DLGAP1: variants seen among roughly 807,000 people sequenced by gnomAD.
DLGAP1 encodes DLG associated protein 1, also known as disks large-associated protein 1.
Under a neutral mutation model 90.8 loss-of-function variants are expected in DLGAP1, and 11 were observed. That is an observed-to-expected ratio of 0.12 (90% CI 0.08 to 0.20). The LOEUF (loss-of-function observed/expected upper bound fraction) is 0.20. Among genes scored for constraint, DLGAP1 ranks in the 10% least tolerant of loss-of-function variants. The probability of loss-of-function intolerance (pLI) is 1.00; values close to 1 mark genes in which losing one functional copy is unlikely to be tolerated. For missense variants in DLGAP1, 1,050 were observed against 1,333.8 expected, an observed-to-expected ratio of 0.79 and a Z score of 3.31; for synonymous variants, 558 against 540.7, an observed-to-expected ratio of 1.03 and a Z score of -0.44.
chr18:3,613,895 GA>G (rs1430131845), intron 7 of DLGAP1, among the ~76,000 whole-genome samples: 1 of 152,054 alleles, frequency 6.6e-6, no homozygotes, highest in Non-Finnish European at 1.5e-5. Flanking sequence ...GCTAGGCAAA[GA>G]AGCCACAGCA....
chr18:3,970,719 A>G (rs1472791673), intron 3 of DLGAP1, among the ~76,000 whole-genome samples: 1 of 152,234 alleles, frequency 6.6e-6, no homozygotes, highest in Non-Finnish European at 1.5e-5. Flanking sequence ...TTTAGAATGA[A>G]GGATATGTTA....
At chr18:3,599,040 C>T (rs1251803137) in intron 7 of DLGAP1, among the ~76,000 whole-genome samples, 1 of 152,162 alleles carries the variant, frequency 6.6e-6, no homozygotes, top group African/African-American at 2.4e-5. Flanking sequence ...TCCCAAAGTG[C>T]TGGGATTACA....
intron 10 of DLGAP1, among the ~76,000 whole-genome samples, chr18:3,513,024 C>G (rs1167612588): frequency 1.3e-5 from 2 of 152,144 alleles, no homozygotes; most frequent in Non-Finnish European, 2.9e-5. Flanking sequence ...TTCCCCTTTC[C>G]CTTTCCCTCT....
At chr18:4,322,936 G>A (rs1193214746) in intron 1 of DLGAP1, among the ~76,000 whole-genome samples, 2 of 117,892 alleles carry the variant, frequency 1.7e-5, no homozygotes, top group Non-Finnish European at 3.3e-5. Flanking sequence ...ACTCCAGCCT[G>A]GGCACAGAAA....
chr18:4,395,159 T>C (rs1449598267), intron 1 of DLGAP1, among the ~76,000 whole-genome samples: 4 of 152,218 alleles, frequency 2.6e-5, no homozygotes, highest in Admixed American at 6.5e-5. Flanking sequence ...GTAAAAGAAA[T>C]AGCACATTGC....
rs184399128 is a variant in DLGAP1, at chr18:4,082,981, C to T, written c.-159+68199G>A. ...AGGGTCCCCGCCTTTTCATTTTGCACGGGGCCTTGCTAGTTATGTAGCTCC... is the reference window on the plus strand; with the variant it reads ...AGGGTCCCCGCCTTTTCATTTTGCATGGGGCCTTGCTAGTTATGTAGCTCC... On this transcript the variant is annotated intron_variant, in intron 2 of 12. Transcript: ENST00000315677. 1.4e-4 allele frequency among the ~76,000 whole-genome samples: 21 copies of T among 152,206 alleles called. 1 individual carries two copies. In the East Asian group the frequency reaches 3.5e-3, roughly 25 times the overall value.
At chr18:4,046,654 C>T (rs2075058927) in intron 2 of DLGAP1, among the ~76,000 whole-genome samples, 1 of 152,212 alleles carries the variant, frequency 6.6e-6, no homozygotes, top group South Asian at 2.1e-4. Context: ...GAAGTGTTCT[C>T]AATAGATGTT....
At chr18:3,726,476 A>C (rs1337098302) in intron 7 of DLGAP1, among the ~76,000 whole-genome samples, 1 of 151,624 alleles carries the variant, frequency 6.6e-6, no homozygotes, top group African/African-American at 2.4e-5. Flanking sequence ...AGAGAGAGAT[A>C]AATAGCACAC....
Position 4,087,199 on chromosome 18 carries a change from C to T in DLGAP1, c.-159+63981G>A, listed in dbSNP as rs567020045. Among the ~76,000 whole-genome samples, 17 of 151,242 alleles carry T rather than the reference C, an allele frequency of 1.1e-4. 1 individual carries two copies. The East Asian group carries it at 2.7e-3, about 24-fold the overall frequency. On this transcript the variant is annotated intron_variant, in intron 2 of 12. Coordinates refer to ENST00000315677, the MANE Select transcript of DLGAP1 (RefSeq NM_004746.4). ...CATTTATTTGAAAGGTGGAGATTAT[C>T]GAATGCTCCAGTGGTTATATATATG...
At chr18:3,700,734 C>T (rs113480812) in intron 7 of DLGAP1, among the ~76,000 whole-genome samples, 3 of 151,754 alleles carry the variant, frequency 2.0e-5, no homozygotes, top group Non-Finnish European at 2.9e-5. Flanking sequence ...CTCAGCCTCC[C>T]GAGTAGCTGG....
At chr18:4,219,928 T>C (rs984135048) in intron 1 of DLGAP1, among the ~76,000 whole-genome samples, 2 of 152,152 alleles carry the variant, frequency 1.3e-5, no homozygotes, top group African/African-American at 2.4e-5. Context: ...CCTCCAGCTT[T>C]GTTCTTTTTG....
At chr18:4,209,040 T>C (rs971388833) in intron 1 of DLGAP1, among the ~76,000 whole-genome samples, 9 of 151,738 alleles carry the variant, frequency 5.9e-5, no homozygotes, top group African/African-American at 1.9e-4. Flanking sequence ...TGAGGCCGGG[T>C]GGAAAGCTGC....
chr18:3,699,964 G>A (rs770657628), intron 7 of DLGAP1, among the ~76,000 whole-genome samples: 1 of 152,184 alleles, frequency 6.6e-6, no homozygotes, highest in Non-Finnish European at 1.5e-5. Flanking sequence ...AATGGTGGAC[G>A]CCCCGCCCCT....
At chr18:3,981,151 G>C (rs148798566) in intron 3 of DLGAP1, among the ~76,000 whole-genome samples, 1 of 152,150 alleles carries the variant, frequency 6.6e-6, no homozygotes, top group Admixed American at 6.5e-5. Flanking sequence ...ATTTTCATAC[G>C]GGCAGAATGC....
intron 1 of DLGAP1, among the ~76,000 whole-genome samples, chr18:4,330,198 T>G (rs1428865345): frequency 6.6e-6 from 1 of 152,052 alleles, no homozygotes; most frequent in Non-Finnish European, 1.5e-5. Context: ...TTCTGTAGAA[T>G]CTGTAATGAT....
intron 7 of DLGAP1, among the ~76,000 whole-genome samples, chr18:3,582,591 G>A (rs983504624): frequency 1.3e-5 from 2 of 152,140 alleles, no homozygotes; most frequent in Non-Finnish European, 2.9e-5. Flanking sequence ...ACATAGAAAA[G>A]GTGAGGGGAG....
intron 1 of DLGAP1, among the ~76,000 whole-genome samples, chr18:4,434,872 A>G (rs545261940): frequency 6.6e-6 from 1 of 152,316 alleles, no homozygotes; most frequent in African/African-American, 2.4e-5. Context: ...CAGAGAGAGA[A>G]ACATCATAAA....
At chr18:4,285,202 T>C (rs2079657922) in intron 1 of DLGAP1, among the ~76,000 whole-genome samples, 1 of 152,192 alleles carries the variant, frequency 6.6e-6, no homozygotes, top group Admixed American at 6.5e-5. Context: ...AGGGAAATCT[T>C]ATTAATGCTT....
intron 2 of DLGAP1, among the ~76,000 whole-genome samples, chr18:4,050,714 C>A (rs1426409906): frequency 6.6e-6 from 1 of 152,202 alleles, no homozygotes; most frequent in African/African-American, 2.4e-5. Context: ...ACACAGAACT[C>A]TAAAGTATTG....
Sources: gnomAD v4.1 joint callset for allele counts (sites outside exome capture counted in the v4.1 genomes callset) on GRCh38, gnomAD v4.1.1 for gene constraint, MANE v1.5 for transcripts, NCBI Gene and HGNC (gene_info 2026-07-23, HGNC 2026-07-21) for gene names.